PHLPP1: variants seen among roughly 807,000 people sequenced by gnomAD.
The protein encoded by PHLPP1 is PH domain and leucine rich repeat protein phosphatase 1.
A neutral mutation model predicts 117.2 loss-of-function variants in PHLPP1; 42 were observed. That is an observed-to-expected ratio of 0.36 (90% confidence interval 0.28 to 0.46). The LOEUF is 0.46. Among genes scored for constraint, PHLPP1 ranks in the 20% least tolerant of loss-of-function variants. PHLPP1 has a pLI of 1.00. For missense variants in PHLPP1, 2,084 were observed against 2,241.9 expected, an observed-to-expected ratio of 0.93 and a Z score of 1.42; for synonymous variants, 1,042 against 970.7, an observed-to-expected ratio of 1.07 and a Z score of -1.37.
rs147424735 is a variant in PHLPP1 at position 62,837,507 on chromosome 18, G to C, written c.1774-1277G>C. Among the ~76,000 whole-genome samples, 164 of 152,160 alleles carry C rather than the reference G, an allele frequency of 1.1e-3. 2 individuals are homozygous for C. Among genetic ancestry groups the C allele is most frequent in the African/African-American group, 3.8e-3 (156 of 41,538 alleles). ...GAGGATGTATCCATTTTTCTTGCCAGAGTATTTATCAATTGTACTAGTTTT... is the reference window on the plus strand; with the variant it reads ...GAGGATGTATCCATTTTTCTTGCCACAGTATTTATCAATTGTACTAGTTTT... On this transcript the variant is annotated intron_variant, in intron 2 of 16. Coordinates refer to ENST00000262719, the MANE Select transcript of PHLPP1 (RefSeq NM_194449.4).
At chr18:62,729,744 T>C (rs1385876763) in intron 1 of PHLPP1, among the ~76,000 whole-genome samples, 1 of 152,210 alleles carries the variant, frequency 6.6e-6, no homozygotes, top group Non-Finnish European at 1.5e-5. Flanking sequence ...CAGTGCTTTC[T>C]TCCACAATGA....
At chr18:62,954,461 A>G (rs1910556569) in intron 12 of PHLPP1, among the ~76,000 whole-genome samples, 3 of 152,150 alleles carry the variant, frequency 2.0e-5, no homozygotes, top group Admixed American at 6.5e-5. Context: ...AACCATTATG[A>G]TTCAGCCAAC....
At chr18:62,728,371 A>G (rs559330785) in intron 1 of PHLPP1, among the ~76,000 whole-genome samples, 1 of 152,158 alleles carries the variant, frequency 6.6e-6, no homozygotes, top group South Asian at 2.1e-4. Flanking sequence ...CTCTTTGACT[A>G]ATTTATTTTG....
At chr18:62,929,838 G>A (rs1909755469) in intron 10 of PHLPP1, among the ~76,000 whole-genome samples, 1 of 152,120 alleles carries the variant, frequency 6.6e-6, no homozygotes. Flanking sequence ...AGTCACAGCT[G>A]CTTGAGAGGC....
At chr18:62,759,495 A>G (rs188466448) in intron 1 of PHLPP1, among the ~76,000 whole-genome samples, 2 of 152,314 alleles carry the variant, frequency 1.3e-5, no homozygotes, top group East Asian at 1.9e-4. Flanking sequence ...TATATTGAGT[A>G]TGTTCTCATT....
chr18:62,817,791 A>T (rs1414632048), intron 1 of PHLPP1, among the ~76,000 whole-genome samples: 1 of 152,128 alleles, frequency 6.6e-6, no homozygotes, highest in East Asian at 1.9e-4. Flanking sequence ...AAAAGAAAAA[A>T]ATCTTTAAAA....
At chr18:62,835,225 C>T (rs1004439084) in intron 2 of PHLPP1, among the ~76,000 whole-genome samples, 1 of 146,214 alleles carries the variant, frequency 6.8e-6, no homozygotes, top group African/African-American at 2.5e-5. Flanking sequence ...TTTTTTGAGA[C>T]AGAGTCTGTC....
At chr18:62,873,681 T>C (rs978088906) in intron 4 of PHLPP1, among the ~76,000 whole-genome samples, 1 of 152,182 alleles carries the variant, frequency 6.6e-6, no homozygotes, top group African/African-American at 2.4e-5. Context: ...AAGTTGGTAT[T>C]TTAAATGACT....
At chr18:62,855,096 G>A (rs1434777922) in intron 3 of PHLPP1, among the ~76,000 whole-genome samples, 1 of 152,120 alleles carries the variant, frequency 6.6e-6, no homozygotes, top group Admixed American at 6.6e-5. Context: ...ACTGCACAGG[G>A]TATTGGGAAG....
At chr18:62,761,187 A>G (rs920286187) in intron 1 of PHLPP1, among the ~76,000 whole-genome samples, 2 of 152,118 alleles carry the variant, frequency 1.3e-5, no homozygotes, top group African/African-American at 2.4e-5. Context: ...TTTAATAACA[A>G]TGCTGCATAT....
At chr18:62,750,992 C>T (rs1911834589) in intron 1 of PHLPP1, among the ~76,000 whole-genome samples, 1 of 152,190 alleles carries the variant, frequency 6.6e-6, no homozygotes, top group Non-Finnish European at 1.5e-5. Flanking sequence ...CCTGATTCCT[C>T]AGGTGCCCAA....
intron 6 of PHLPP1, among the ~76,000 whole-genome samples, chr18:62,902,061 TC>T (rs1916738261): frequency 6.6e-6 from 1 of 152,256 alleles, no homozygotes; most frequent in Non-Finnish European, 1.5e-5. Flanking sequence ...GACATTTCCA[TC>T]TATTTTTCTC....
At position 62,963,491 on chromosome 18, in the gene PHLPP1, T is replaced by G. The variant is rs769718433; in HGVS notation, c.3560+19T>G. The G allele has an allele frequency of 3.9e-6, 6 of 1,526,340 alleles. No homozygotes were observed. The African/African-American group carries it at 5.5e-5, about 14-fold the overall frequency. The allele number at this position is 1,526,340 out of a possible 1,614,324, so 94.5% of individuals were successfully genotyped here. ...AAAACAAGTAAGTCAGATGAAACTT[T>G]AGAGGAAGAAGTGCCTCCTGCCTGT... On this transcript the variant is annotated intron_variant, in intron 14 of 16. Coordinates refer to ENST00000262719, the MANE Select transcript of PHLPP1 (RefSeq NM_194449.4).
At position 62,938,994 on chromosome 18, in the gene PHLPP1, C is replaced by CTTTT. The variant is rs1555683300; in HGVS notation, c.2961-2714_2961-2711dup. On this transcript the variant is annotated intron_variant, in intron 10 of 16. Transcript: ENST00000262719. The stretch of plus-strand genomic sequence containing the variant: ...GTCTTTTTTCTTTCTTTCTTTCTTT[C>CTTTT]TTTTTTTTTTTTTGAGCCGGAGTTT... 4.6e-3 allele frequency among the ~76,000 whole-genome samples: 598 copies of CTTTT among 128,650 alleles called. 1 individual carries two copies. The highest frequency in any genetic ancestry group is 7.0e-3 in the East Asian group (31 of 4,414). 84.4% of individuals were successfully genotyped at this position (128,650 alleles called of 152,430 possible). A position where few individuals can be genotyped will look rare whatever the true frequency, so the allele number is the denominator to read the frequency against.
intron 4 of PHLPP1, among the ~76,000 whole-genome samples, chr18:62,885,269 A>T (rs998898031): frequency 5.3e-5 from 8 of 152,190 alleles, no homozygotes; most frequent in African/African-American, 1.9e-4. Context: ...TTGGATAAAA[A>T]TGGCTCCACT....
chr18:62,805,638 G>A (rs996829304), intron 1 of PHLPP1, among the ~76,000 whole-genome samples: 1 of 152,104 alleles, frequency 6.6e-6, no homozygotes, highest in African/African-American at 2.4e-5. Context: ...TGGGATTATA[G>A]GTATAAGCCA....
rs147257640 is a variant in PHLPP1 at position 62,765,623 on chromosome 18, T to C, written c.1576+48364T>C. Among the ~76,000 whole-genome samples the C allele has an allele frequency of 8.3e-3, 1,267 of 152,276 alleles. 1 individual carries two copies. Among genetic ancestry groups the C allele is most frequent in the Non-Finnish European group, 0.014 (921 of 68,004 alleles). ...TCTATTAAAGCTTCCATGTATCTGC[T>C]TAAGTAGATCTACAGGGTAAAGCAT... On this transcript the variant is annotated intron_variant, in intron 1 of 16. Coordinates refer to ENST00000262719, the MANE Select transcript of PHLPP1 (RefSeq NM_194449.4).
chr18:62,770,747 G>C (rs1310326151), intron 1 of PHLPP1, among the ~76,000 whole-genome samples: 2 of 151,344 alleles, frequency 1.3e-5, no homozygotes, highest in South Asian at 2.1e-4. Flanking sequence ...TTTTGGGGGG[G>C]GTGGGGAATA....
chr18:62,957,130 C>A (rs1021000059), intron 12 of PHLPP1, among the ~76,000 whole-genome samples: 2 of 152,112 alleles, frequency 1.3e-5, no homozygotes, highest in Non-Finnish European at 2.9e-5. Context: ...GCTCTCCACC[C>A]CATACTATAT....
Sources: gnomAD v4.1 joint callset for allele counts (sites outside exome capture counted in the v4.1 genomes callset) on GRCh38, gnomAD v4.1.1 for gene constraint, MANE v1.5 for transcripts, NCBI Gene and HGNC (gene_info 2026-07-23, HGNC 2026-07-21) for gene names.